The following SGCA variants were observed in gnomAD, a reference collection of about 807,000 sequenced individuals.
SGCA encodes the protein alpha-sarcoglycan.
SGCA carries 34 observed loss-of-function variants against 38.1 expected under a neutral mutation model. The observed-to-expected ratio is 0.89, with a 90% confidence interval of 0.68 to 1.19. The LOEUF (loss-of-function observed/expected upper bound fraction) is 1.19, where lower values mean the gene tolerates loss of function less well. Among genes scored for constraint, SGCA ranks in the 50% most tolerant of loss-of-function variants. SGCA has a pLI of 0.00. For synonymous variants in SGCA, 209 were observed against 214.6 expected, an observed-to-expected ratio of 0.97 and a Z score of 0.23; for missense variants, 476 against 524.9, an observed-to-expected ratio of 0.91 and a Z score of 0.91.
In SGCA at chr17:50,167,822, AT is replaced by A; in HGVS notation, c.312+88del. 1 of 1,544,126 alleles carries A rather than the reference AT, an allele frequency of 6.5e-7. No homozygotes were observed. The highest frequency in any genetic ancestry group is 9.0e-7 in the Non-Finnish European group (1 of 1,116,972). ...CCCTATGAATTGGGATTGGGTGCTC[AT>A]TCACAGTCATTTACATATAATTTAC... On this transcript the variant is annotated intron_variant, in intron 3 of 9. Transcript: ENST00000262018. The surrounding 1 kb of genome is among the most constrained non-coding windows in gnomAD (Gnocchi z 4.5).
intron 4 of SGCA, 101 bp downstream of exon 4, chr17:50,168,120 G>A (rs1025098501): frequency 3.5e-6 from 4 of 1,127,144 alleles, no homozygotes; most frequent in African/African-American, 1.5e-5. Context: ...TTGGAGAGGA[G>A]TGGAGCAGGG....
chr17:50,169,984 C>G, intron 6 of SGCA, 159 bp from the exon 7 acceptor site: 2 of 683,894 alleles, frequency 2.9e-6, no homozygotes, highest in East Asian at 5.4e-5. Flanking sequence ...GGATTCAAAC[C>G]AGGAGGTCAG....
rs760528436 is a variant in SGCA at position 50,167,398 on chromosome 17, C to A, written c.68C>A (p.Ala23Asp). ...VLLAGLGDTE[A>D]QQTTLHPLVG... is the part of the protein sequence containing the mutation. ...CTGGCAGGGCTGGGGGACACCGAGGCCCAGCAGACCACGCTACACCCACTT... is the reference window on the plus strand; with the variant it reads ...CTGGCAGGGCTGGGGGACACCGAGGACCAGCAGACCACGCTACACCCACTT... The change falls in exon 2 of 10, where the codon GCC becomes GAC. Residue 23 changes from alanine (A) to aspartate (D), a missense_variant. Coordinates refer to ENST00000262018, the MANE Select transcript of SGCA (RefSeq NM_000023.4). The surrounding 1 kb of genome is among the most constrained non-coding windows in gnomAD (Gnocchi z 4.5). 1.9e-6 allele frequency: 3 copies of A among 1,614,170 alleles called. No individual in the cohort carries two copies. Among genetic ancestry groups the A allele is most frequent in the Non-Finnish European group, 2.5e-6 (3 of 1,180,014 alleles).
At chr17:50,171,267 T>A (rs1026799012) in intron 8 of SGCA, among the ~76,000 whole-genome samples, 1 of 152,220 alleles carries the variant, frequency 6.6e-6, no homozygotes, top group Non-Finnish European at 1.5e-5. Flanking sequence ...GAGGTTGGAC[T>A]AGCTGGTGTC....
At chr17:50,171,493 T>G in intron 8 of SGCA, 1 of 456,716 alleles carries the variant, frequency 2.2e-6, no homozygotes. Context: ...CACCCCTGAC[T>G]GCTTGCCTGG....
chr17:50,169,082 C>T lies in SGCA; in HGVS notation c.585-10C>T. ...CCACTCTGCTGACAGTGACTTCTAT[C>T]TGGTCCCAGGGTATACATTAAGGTG... is the stretch of plus-strand genomic sequence containing the variant. On this transcript the variant is annotated splice_polypyrimidine_tract_variant and intron_variant, in intron 5 of 9. Transcript: ENST00000262018. The T allele has an allele frequency of 2.5e-6, 4 of 1,613,638 alleles. No individual in the cohort carries two copies. Among genetic ancestry groups the T allele is most frequent in the Non-Finnish European group, 3.4e-6 (4 of 1,179,918 alleles).
rs574376340 is a variant in SGCA, at chr17:50,168,529, C to T, written c.541C>T (p.Arg181Cys). 3.0e-5 allele frequency: 48 copies of T among 1,576,054 alleles called. 1 individual carries two copies. The Admixed American group carries it at 5.5e-4, about 18-fold the overall frequency. Residue 181 changes from arginine to cysteine, a missense_variant, in exon 5 of 10, where the codon CGT becomes TGT. Coordinates refer to ENST00000262018, the MANE Select transcript of SGCA (RefSeq NM_000023.4). ...QLLNVTSALD[R>C]GGRVPLPIEG... is the part of the protein sequence containing the mutation. The stretch of plus-strand genomic sequence containing the variant: ...GCTCAACGTCACCTCTGCCTTGGAC[C>T]GTGGGGGCCGTGTCCCCCTTCCCAT...
chr17:50,175,449 G>T lies in SGCA; in HGVS notation c.*12G>T, dbSNP rs1361870458. 2.5e-6 allele frequency: 4 copies of T among 1,611,602 alleles called. No individual in the cohort carries two copies. The highest frequency in any genetic ancestry group is 2.5e-6 in the Non-Finnish European group (3 of 1,179,192). ...TGGACCAGCACTGACAGCCTAGCCA[G>T]GTAGGTCTGGTGGGTGATGCCAGCC... On this transcript the variant is annotated splice_region_variant and 3_prime_UTR_variant, in exon 9 of 10. Transcript: ENST00000262018.
chr17:50,171,957 G>C, intron 8 of SGCA: 1 of 456,734 alleles, frequency 2.2e-6, no homozygotes, highest in South Asian at 1.5e-5. Flanking sequence ...TGCCCTGCTG[G>C]CCTCCACCCA....
chr17:50,174,144 C>T lies in SGCA; in HGVS notation c.984-1113C>T, dbSNP rs758411952. Among the ~76,000 whole-genome samples the T allele has an allele frequency of 4.6e-5, 7 of 152,064 alleles. 1 individual carries two copies. The East Asian group carries it at 7.7e-4, about 17-fold the overall frequency. On this transcript the variant is annotated intron_variant, in intron 8 of 9. Transcript: ENST00000262018. The stretch of plus-strand genomic sequence containing the variant: ...GACCAGCCTGAACAACATAGTAAGA[C>T]ACCTGTCTCTACAAAAAAAATTTTA...
intron 8 of SGCA, chr17:50,172,463 A>G: frequency 5.9e-6 from 2 of 339,894 alleles, no homozygotes; most frequent in South Asian, 4.5e-5. Context: ...GTGTGTGCAC[A>G]TGCCTGGGCG....
At position 50,175,347 on chromosome 17, in the gene SGCA, C is replaced by T. The variant is rs1257223264; in HGVS notation, c.1074C>T (p.Ser358=). The stretch of plus-strand genomic sequence containing the variant: ...GCCGCGAGGTGCCCCGGCCACTCTC[C>T]ACCCTGCCCATGTTCAATGTGCACA... ...AASREVPRPL[S]TLPMFNVHTG... The change falls in exon 9 of 10, where the codon TCC becomes TCT. Residue 358 remains serine (S), a synonymous_variant. Coordinates refer to ENST00000262018, the MANE Select transcript of SGCA (RefSeq NM_000023.4). 1 of 1,612,348 alleles carries T rather than the reference C, an allele frequency of 6.2e-7. No homozygotes were observed. Among genetic ancestry groups the T allele is most frequent in the South Asian group, 1.1e-5 (1 of 90,850 alleles).
Position 50,167,945 on chromosome 17 carries a change from A to G in SGCA, c.313-2A>G, listed in dbSNP as rs1057516650. 1 of 1,613,904 alleles carries G rather than the reference A, an allele frequency of 6.2e-7. No homozygotes were observed. Among genetic ancestry groups the G allele is most frequent in the East Asian group, 2.2e-5 (1 of 44,882 alleles). Reference sequence around the variant, plus strand: ...TTCTCAGATGTCTTTCCCATCCCCCAGGTCACAGCCTACAATCGGGACAGC... The same window carrying G: ...TTCTCAGATGTCTTTCCCATCCCCCGGGTCACAGCCTACAATCGGGACAGC... On this transcript the variant is annotated splice_acceptor_variant, in intron 3 of 9. Coordinates refer to ENST00000262018, the MANE Select transcript of SGCA (RefSeq NM_000023.4). LOFTEE classifies it high-confidence loss of function. The surrounding 1 kb of genome is among the most constrained non-coding windows in gnomAD (Gnocchi z 4.5).
chr17:50,175,529 C>A, intron 9 of SGCA, 80 bp downstream of exon 9: 1 of 1,309,478 alleles, frequency 7.6e-7, no homozygotes, highest in South Asian at 1.2e-5. Flanking sequence ...ATGGTGGGGT[C>A]TGGGAGAGGT....
At chr17:50,169,043 C>T (rs374054759) in intron 5 of SGCA, 49 bp from the exon 6 acceptor site, 33 of 1,568,696 alleles carry the variant, frequency 2.1e-5, no homozygotes, top group Admixed American at 8.3e-5. Context: ...AGTGGTGCCT[C>T]GTGCCCCCTG....
In SGCA at chr17:50,166,083, T is replaced by C. The variant is rs751466815; in HGVS notation, c.37+6T>C. The C allele has an allele frequency of 2.5e-6, 4 of 1,612,594 alleles. No homozygotes were observed. In the South Asian group the frequency reaches 3.3e-5, roughly 13 times the overall value. On this transcript the variant is annotated splice_donor_region_variant and intron_variant, in intron 1 of 9. Transcript: ENST00000262018. ...CTGGACTCCTCTCCTCGTGGGCAAG[T>C]TGGGGCCTTGTTCAGCGGGGAGGCC...
At position 50,173,512 on chromosome 17, in the gene SGCA, T is replaced by C. The variant is rs571826352; in HGVS notation, c.984-1745T>C. On this transcript the variant is annotated intron_variant, in intron 8 of 9. Transcript: ENST00000262018. ...GGAAGCCACTGCGGGGTCTGGCCTC[T>C]GCTCTTGCTCTAGAAAAACATCCCC... 2.8e-3 allele frequency among the ~76,000 whole-genome samples: 426 copies of C among 152,328 alleles called. 1 individual carries two copies. The highest frequency in any genetic ancestry group is 4.4e-3 in the Non-Finnish European group (296 of 68,030).
At chr17:50,168,111 TGGAGAGGA>T (rs1362908406) in intron 4 of SGCA, 92 bp downstream of exon 4, 1 of 1,192,756 alleles carries the variant, frequency 8.4e-7, no homozygotes, top group African/African-American at 1.5e-5. Context: ...AGGAGAGGCT[TGGAGAGGA>T]GTGGAGCAGG....
At chr17:50,170,462 A>G in intron 7 of SGCA, 111 bp downstream of exon 7, 2 of 1,362,742 alleles carry the variant, frequency 1.5e-6, no homozygotes, top group Non-Finnish European at 2.1e-6. Context: ...TGGGGTTCTC[A>G]GGCACAAAAG....
Sources: allele counts gnomAD v4.1 joint callset (sites outside exome capture counted in the v4.1 genomes callset), GRCh38; gene constraint gnomAD v4.1.1; non-coding constraint Gnocchi (gnomAD v3.1); transcripts MANE v1.5; gene names NCBI Gene and HGNC (gene_info 2026-07-23, HGNC 2026-07-21).